Variants in UGT1A5 observed in about 807,000 individuals in gnomAD.
The protein encoded by UGT1A5 is UDP glucuronosyltransferase family 1 member A5, also known as UDP-glucuronosyltransferase 1A5.
In UGT1A5, 29 loss-of-function variants were observed where a neutral mutation model predicts 40.3. The ratio of observed to expected loss-of-function variants is 0.72; its 90% CI spans 0.54 to 0.98. The LOEUF (loss-of-function observed/expected upper bound fraction) is 0.98, where lower values mean the gene tolerates loss of function less well. UGT1A5 is among the 50% of genes least tolerant of loss of function. The probability of loss-of-function intolerance (pLI) is 0.00; values close to 1 mark genes in which losing one functional copy is unlikely to be tolerated. For synonymous variants in UGT1A5, 257 were observed against 262.5 expected, an observed-to-expected ratio of 0.98 and a Z score of 0.20; for missense variants, 678 against 677.9, an observed-to-expected ratio of 1.00 and a Z score of 0.00.
Position 233,729,365 on chromosome 2 carries a change from A to C in UGT1A5, c.867+15507A>C, listed in dbSNP as rs367794808. ...GAGAACTTTTTCACCCTGACAACCT[A>C]TGCCATTTCGTGGACCCAGGATGAA... On this transcript the variant is annotated intron_variant, in intron 1 of 4. Coordinates refer to ENST00000373414, the MANE Select transcript of UGT1A5 (RefSeq NM_019078.2). 153 of 1,614,014 alleles carry C rather than the reference A, an allele frequency of 9.5e-5. No individual in the cohort carries two copies. Among genetic ancestry groups the C allele is most frequent in the Non-Finnish European group, 1.3e-4 (148 of 1,180,000 alleles).
At position 233,713,243 on chromosome 2, in the gene UGT1A5, G is replaced by A. The variant is rs1157083757; in HGVS notation, c.252G>A (p.Trp84Ter). ...CCCTGACAACGTATGCCATTTCATG[G>A]ACCCAGGACGAATTTGATCGCCTTT... ...FFTLTTYAIS[W>*]TQDEFDRLLL... Residue 84 changes from tryptophan to a stop codon, truncating the protein, a stop_gained, in exon 1 of 5, where the codon TGG (tryptophan) becomes TGA (stop). Transcript: ENST00000373414. LOFTEE classifies it high-confidence loss of function. The A allele has an allele frequency of 1.2e-6, 2 of 1,614,222 alleles. 1 individual carries two copies. The highest frequency in any genetic ancestry group is 2.2e-5 in the South Asian group (2 of 91,088).
Position 233,757,535 on chromosome 2 carries a change from A to AATATATATATATATATATAT in UGT1A5, c.868-9492_868-9473dup, listed in dbSNP as rs67292694. Among the ~76,000 whole-genome samples the AATATATATATATATATATAT allele has an allele frequency of 6.1e-3, 541 of 88,064 alleles. 3 individuals are homozygous for AATATATATATATATATATAT. The highest frequency in any genetic ancestry group is 0.013 in the East Asian group (47 of 3,574). The allele number at this position is 88,064 out of a possible 152,430, so 57.8% of individuals were successfully genotyped here. On this transcript the variant is annotated intron_variant, in intron 1 of 4. Coordinates refer to ENST00000373414, the MANE Select transcript of UGT1A5 (RefSeq NM_019078.2). ...CAAAGCCAAAATCTTGCCTGTAAGG[A>AATATATATATATATATATAT]ATATATATATATATATATATATATA...
chr2:233,743,929 G>A (rs1692592550), intron 1 of UGT1A5: 10 of 1,360,304 alleles, frequency 7.4e-6, no homozygotes, highest in Non-Finnish European at 9.8e-6. Flanking sequence ...TGGATGGCCA[G>A]AACGGCCCAC....
At chr2:233,717,513 G>C (rs867962435) in intron 1 of UGT1A5, among the ~76,000 whole-genome samples, 30 of 152,358 alleles carry the variant, frequency 2.0e-4, no homozygotes, top group Non-Finnish European at 3.5e-4. Context: ...TCTAATGGGA[G>C]TAACTTCCTC....
At chr2:233,766,273 TGGCCCGGGCTC>T (rs1203864514) in intron 1 of UGT1A5, among the ~76,000 whole-genome samples, 29 of 151,808 alleles carry the variant, frequency 1.9e-4, no homozygotes, top group Admixed American at 3.9e-4. Context: ...CCGGGCTCGG[TGGCCCGGGCTC>T]GGTGGCCTGG....
Position 233,769,443 on chromosome 2 carries a change from G to T in UGT1A5, c.1307+1004G>T. 1.3e-6 allele frequency: 2 copies of T among 1,564,916 alleles called. No homozygotes were observed. The highest frequency in any genetic ancestry group is 1.8e-6 in the Non-Finnish European group (2 of 1,139,736). On this transcript the variant is annotated intron_variant, in intron 4 of 4. Coordinates refer to ENST00000373414, the MANE Select transcript of UGT1A5 (RefSeq NM_019078.2). This position sits in a 1 kb window ranked among gnomAD's most constrained non-coding sequence, Gnocchi z 4.4. The stretch of plus-strand genomic sequence containing the variant: ...CATGTGGCTGTGCTCATGTGTGGGT[G>T]CACACGTGTGCATTCATATGCGTGT...
intron 3 of UGT1A5, 53 bp from the exon 4 acceptor site, chr2:233,768,167 G>T: frequency 5.6e-6 from 9 of 1,613,612 alleles, no homozygotes; most frequent in Non-Finnish European, 7.6e-6. Context: ...GATGTGTCCA[G>T]CTGTGAAACT....
chr2:233,762,807 C>G (rs1458193268), intron 1 of UGT1A5, among the ~76,000 whole-genome samples: 1 of 151,450 alleles, frequency 6.6e-6, no homozygotes, highest in Non-Finnish European at 1.5e-5. Flanking sequence ...GCTATCTCAT[C>G]AAAATATTGA....
intron 1 of UGT1A5, among the ~76,000 whole-genome samples, chr2:233,727,176 C>G (rs2077590030): frequency 6.6e-6 from 1 of 152,122 alleles, no homozygotes; most frequent in Non-Finnish European, 1.5e-5. Context: ...TTTTCTGTCT[C>G]TGGACTTTGC....
intron 1 of UGT1A5, among the ~76,000 whole-genome samples, chr2:233,762,044 CATTTTCCTTCATAGCACATCAAATA>C (rs1208875045): frequency 1.3e-5 from 2 of 152,198 alleles, no homozygotes; most frequent in East Asian, 1.9e-4. Context: ...ATTTTCTGTG[CATTTTCCTTCATAGCACATCAAATA>C]TGGCAGCCAT....
chr2:233,739,587 GCCTATAGCC>G (rs1691150074), intron 1 of UGT1A5, among the ~76,000 whole-genome samples: 1 of 152,224 alleles, frequency 6.6e-6, no homozygotes, highest in Non-Finnish European at 1.5e-5. Flanking sequence ...CTTGCATGGG[GCCTATAGCC>G]CCTTTGTTTT....
At chr2:233,740,004 G>A (rs1691279372) in intron 1 of UGT1A5, among the ~76,000 whole-genome samples, 1 of 151,810 alleles carries the variant, frequency 6.6e-6, no homozygotes, top group African/African-American at 2.4e-5. Context: ...GTCATACTAA[G>A]TGAGTTCTCA....
At chr2:233,719,115 G>A in intron 1 of UGT1A5, 1 of 1,614,244 alleles carries the variant, frequency 6.2e-7, no homozygotes, top group Non-Finnish European at 8.5e-7. Flanking sequence ...CTACACTCAA[G>A]GGTTCTTTGA....
At chr2:233,718,697 C>G in intron 1 of UGT1A5, 1 of 1,595,942 alleles carries the variant, frequency 6.3e-7, no homozygotes, top group Non-Finnish European at 8.5e-7. Flanking sequence ...GAGGAGGGCA[C>G]TTTGTCTTCC....
intron 1 of UGT1A5, chr2:233,717,940 C>A (rs186673267): frequency 2.2e-6 from 1 of 453,716 alleles, no homozygotes; most frequent in East Asian, 7.0e-5. Flanking sequence ...AGTCTCTATG[C>A]AGACTTGCAG....
intron 1 of UGT1A5, among the ~76,000 whole-genome samples, chr2:233,757,535 AATATATAT>A (rs67292694): frequency 0.018 from 1,589 of 88,318 alleles, 155 homozygotes; most frequent in African/African-American, 0.076. Flanking sequence ...GCCTGTAAGG[AATATATAT>A]ATATATATAT....
intron 1 of UGT1A5, among the ~76,000 whole-genome samples, chr2:233,745,069 T>C (rs1371401376): frequency 2.0e-5 from 3 of 151,904 alleles, no homozygotes; most frequent in African/African-American, 7.3e-5. Flanking sequence ...ATTATTTGTA[T>C]TGTTTTTTCA....
At position 233,724,298 on chromosome 2, in the gene UGT1A5, C is replaced by G. The variant is rs1308100434; in HGVS notation, c.867+10440C>G. Among the ~76,000 whole-genome samples, 14 of 143,328 alleles carry G rather than the reference C, an allele frequency of 9.8e-5. No individual in the cohort carries two copies. In the East Asian group the frequency reaches 3.1e-3, roughly 31 times the overall value. 94.0% of individuals were successfully genotyped at this position (143,328 alleles called of 152,430 possible). Reference sequence around the variant, plus strand: ...TGGCCGGGCGGGGGGCTGACCCCCCCACCTCCCTCCCGGACGGGGCGGCTG... The same window carrying G: ...TGGCCGGGCGGGGGGCTGACCCCCCGACCTCCCTCCCGGACGGGGCGGCTG... On this transcript the variant is annotated intron_variant, in intron 1 of 4. Transcript: ENST00000373414.
At chr2:233,732,639 A>G (rs1283662238) in intron 1 of UGT1A5, among the ~76,000 whole-genome samples, 1 of 151,906 alleles carries the variant, frequency 6.6e-6, no homozygotes, top group Non-Finnish European at 1.5e-5. Context: ...TATTTCTGAG[A>G]CCACTGTTCT....
Sources: allele counts gnomAD v4.1 joint callset (sites outside exome capture counted in the v4.1 genomes callset), GRCh38; gene constraint gnomAD v4.1.1; non-coding constraint Gnocchi (gnomAD v3.1); transcripts MANE v1.5; gene names NCBI Gene and HGNC (gene_info 2026-07-23, HGNC 2026-07-21).